XPR1: variants seen among roughly 807,000 people sequenced by gnomAD.
The protein encoded by XPR1 is xenotropic and polytropic retrovirus receptor 1.
In XPR1, 28 loss-of-function variants were observed where a neutral mutation model predicts 87.5. That is an observed-to-expected ratio of 0.32 (90% confidence interval 0.24 to 0.44). The LOEUF (loss-of-function observed/expected upper bound fraction) is 0.44. Among genes scored for constraint, XPR1 ranks in the 20% least tolerant of loss-of-function variants. XPR1 has a pLI of 1.00. For missense variants in XPR1, 559 were observed against 862.3 expected (o/e 0.65, Z 4.41); for synonymous variants, 300 against 306.1 (o/e 0.98, Z 0.21).
intron 3 of XPR1, among the ~76,000 whole-genome samples, chr1:180,794,500 T>C (rs1222828174): frequency 2.0e-5 from 3 of 152,242 alleles, no homozygotes; most frequent in Non-Finnish European, 2.9e-5. Flanking sequence ...ATTTACAAAT[T>C]ACATGTACTT....
chr1:180,685,515 A>C (rs1253524871), intron 2 of XPR1, among the ~76,000 whole-genome samples: 2 of 152,160 alleles, frequency 1.3e-5, no homozygotes, highest in Non-Finnish European at 2.9e-5. Context: ...TGAGTTAGGG[A>C]GGATTCCCTC....
At chr1:180,656,974 C>T (rs1420260473) in intron 1 of XPR1, among the ~76,000 whole-genome samples, 1 of 151,832 alleles carries the variant, frequency 6.6e-6, no homozygotes, top group African/African-American at 2.4e-5. Flanking sequence ...TGAGGGTTCC[C>T]TTTTCTCCAC....
chr1:180,772,504 T>C (rs1296202419), intron 2 of XPR1, among the ~76,000 whole-genome samples: 1 of 152,176 alleles, frequency 6.6e-6, no homozygotes, highest in African/African-American at 2.4e-5. Context: ...TGTCTTTGTG[T>C]ATGAACTTTG....
At chr1:180,805,981 G>T in intron 4 of XPR1, 81 bp from the exon 5 acceptor site, 5 of 1,454,272 alleles carry the variant, frequency 3.4e-6, no homozygotes, top group Non-Finnish European at 4.6e-6. Flanking sequence ...AGCCAGCTCT[G>T]TCAGTGCTTA....
chr1:180,649,357 G>T (rs752314458), intron 1 of XPR1, among the ~76,000 whole-genome samples: 1 of 152,058 alleles, frequency 6.6e-6, no homozygotes. Flanking sequence ...GCGTGAACCC[G>T]GAGGCGGAGC....
At chr1:180,865,838 A>G (rs1204608675) in intron 12 of XPR1, among the ~76,000 whole-genome samples, 1 of 152,204 alleles carries the variant, frequency 6.6e-6, no homozygotes. Flanking sequence ...ACTCTAAAAA[A>G]CAAAATAAAT....
At chr1:180,824,442 G>A (rs1178372985) in intron 7 of XPR1, among the ~76,000 whole-genome samples, 1 of 152,080 alleles carries the variant, frequency 6.6e-6, no homozygotes, top group African/African-American at 2.4e-5. Context: ...TTAGCTGGGC[G>A]TGGTGGTGCG....
chr1:180,749,354 T>C (rs1184574646), intron 2 of XPR1, among the ~76,000 whole-genome samples: 3 of 152,220 alleles, frequency 2.0e-5, no homozygotes, highest in Non-Finnish European at 4.4e-5. Flanking sequence ...AGAAGTTCCT[T>C]ATGTCATTAG....
Position 180,836,633 on chromosome 1 carries a change from C to T in XPR1, c.1418C>T (p.Ala473Val). 6.2e-7 allele frequency: 1 copy of T among 1,614,114 alleles called. No individual in the cohort carries two copies. The highest frequency in any genetic ancestry group is 8.5e-7 in the Non-Finnish European group (1 of 1,180,008). Residue 473 changes from alanine (A) to valine (V), a missense_variant, in exon 11 of 15, where the codon GCC (alanine) becomes GTC (valine). By Grantham distance (64) the Ala-to-Val change is moderately conservative. Coordinates refer to ENST00000367590, the MANE Select transcript of XPR1 (RefSeq NM_004736.4). Reference protein sequence around the residue: ...CLRRYRDTKRAFPHLVNAGKY... With the variant: ...CLRRYRDTKRVFPHLVNAGKY... ...CGCCGATATCGAGACACAAAAAGGG[C>T]CTTTCCTCATTTAGTTAATGCTGGC... is the stretch of plus-strand genomic sequence containing the variant.
At chr1:180,825,139 T>A in intron 8 of XPR1, 26 bp from the exon 9 acceptor site, 7 of 1,568,388 alleles carry the variant, frequency 4.5e-6, no homozygotes, top group Non-Finnish European at 6.0e-6. Context: ...TTTCTCTATC[T>A]TTCTGTCTTC....
intron 11 of XPR1, among the ~76,000 whole-genome samples, chr1:180,842,448 CACTT>C (rs1651549817): frequency 6.6e-6 from 1 of 152,090 alleles, no homozygotes; most frequent in Non-Finnish European, 1.5e-5. Context: ...AGCTAGCACT[CACTT>C]ATATTAAAAA....
intron 11 of XPR1, among the ~76,000 whole-genome samples, chr1:180,842,828 G>A (rs181113210): frequency 4.8e-4 from 73 of 152,296 alleles, no homozygotes; most frequent in Admixed American, 1.8e-3. Flanking sequence ...TAAATTTTTA[G>A]TGATTTAGTT....
intron 2 of XPR1, among the ~76,000 whole-genome samples, chr1:180,707,249 A>C (rs1195395524): frequency 6.6e-6 from 1 of 152,204 alleles, no homozygotes; most frequent in Non-Finnish European, 1.5e-5. Flanking sequence ...AGGTAAGTTT[A>C]AATCATGGGG....
At chr1:180,651,563 G>T (rs1438096216) in intron 1 of XPR1, among the ~76,000 whole-genome samples, 2 of 152,088 alleles carry the variant, frequency 1.3e-5, no homozygotes, top group Admixed American at 1.3e-4. Context: ...ATGAAGTAAT[G>T]GTGACTCTTA....
rs778759014 is a variant in XPR1 at position 180,806,539 on chromosome 1, C to A, written c.663C>A (p.Pro221=). Reference sequence around the variant, plus strand: ...AGGCTATGAAGCGTTTACGTGTCCCCCCTTTGGGAGCTGCTCAGGTTAGTA... The same window carrying A: ...AGGCTATGAAGCGTTTACGTGTCCCACCTTTGGGAGCTGCTCAGGTTAGTA... The part of the protein sequence containing the change: ...RQKAMKRLRV[P]PLGAAQPAPA... The change falls in exon 6 of 15, where the codon CCC becomes CCA. Residue 221 remains proline (P), a synonymous_variant. Transcript: ENST00000367590. 1.3e-4 allele frequency: 214 copies of A among 1,612,452 alleles called. 5 individuals are homozygous for A. The South Asian group carries it at 2.3e-3, about 18-fold the overall frequency.
chr1:180,857,380 C>T (rs912022773), intron 11 of XPR1, among the ~76,000 whole-genome samples: 8 of 152,172 alleles, frequency 5.3e-5, no homozygotes, highest in Admixed American at 3.3e-4. Flanking sequence ...GGAGGCTTTA[C>T]TGAGGCAGGA....
chr1:180,689,851 A>G (rs1656921086), intron 2 of XPR1, among the ~76,000 whole-genome samples: 1 of 152,144 alleles, frequency 6.6e-6, no homozygotes, highest in Admixed American at 6.5e-5. Flanking sequence ...ATCTAAAACT[A>G]TTCTAAGGTT....
chr1:180,859,970 G>A (rs1652164729), intron 11 of XPR1, among the ~76,000 whole-genome samples: 1 of 151,874 alleles, frequency 6.6e-6, no homozygotes, highest in Admixed American at 6.6e-5. Flanking sequence ...AAAGAGAACT[G>A]GAATACAGAA....
chr1:180,786,036 C>G (rs1649126813), intron 2 of XPR1, among the ~76,000 whole-genome samples: 1 of 151,638 alleles, frequency 6.6e-6, no homozygotes, highest in African/African-American at 2.4e-5. Context: ...CCTTGGGCAG[C>G]TATAGCCCTT....
Sources: allele counts gnomAD v4.1 joint callset (sites outside exome capture counted in the v4.1 genomes callset), GRCh38; gene constraint gnomAD v4.1.1; transcripts MANE v1.5; gene names NCBI Gene and HGNC (gene_info 2026-07-23, HGNC 2026-07-21).